PRKCA: variants seen among roughly 807,000 people sequenced by gnomAD.
The protein encoded by PRKCA is protein kinase C alpha type.
Under a neutral mutation model 87.0 loss-of-function variants are expected in PRKCA, and 27 were observed. That is an observed-to-expected ratio of 0.31 (90% CI 0.23 to 0.43). The LOEUF (loss-of-function observed/expected upper bound fraction) is 0.43, where lower values mean the gene tolerates loss of function less well. PRKCA is among the 20% of genes least tolerant of loss of function. PRKCA has a pLI of 1.00. For synonymous variants in PRKCA, 329 were observed against 311.1 expected, an observed-to-expected ratio of 1.06 and a Z score of -0.61; for missense variants, 518 against 852.3, an observed-to-expected ratio of 0.61 and a Z score of 4.88.
At chr17:66,732,864 C>A (rs761900826) in intron 9 of PRKCA, 39 bp downstream of exon 9, 3 of 1,593,034 alleles carry the variant, frequency 1.9e-6, no homozygotes, top group Non-Finnish European at 2.6e-6. Flanking sequence ...GGGGCTTCTG[C>A]AGAGAATGTC....
At chr17:66,641,531 C>A in intron 4 of PRKCA, 65 bp downstream of exon 4, 1 of 1,206,576 alleles carries the variant, frequency 8.3e-7, no homozygotes, top group Non-Finnish European at 1.2e-6. Context: ...GTTTGCTGAG[C>A]AAGGAAGGCT....
intron 2 of PRKCA, among the ~76,000 whole-genome samples, chr17:66,481,739 C>T (rs1189354237): frequency 6.6e-6 from 1 of 152,168 alleles, no homozygotes; most frequent in African/African-American, 2.4e-5. Context: ...GACTTTCTGG[C>T]CTTCAACTAG....
At chr17:66,775,363 G>T in intron 14 of PRKCA, 1 of 985,116 alleles carries the variant, frequency 1.0e-6, no homozygotes, top group Non-Finnish European at 1.2e-6. Context: ...TATCTTAGGG[G>T]CCGGCCTAGA....
At chr17:66,528,351 T>C (rs1489837934) in intron 3 of PRKCA, among the ~76,000 whole-genome samples, 1 of 151,750 alleles carries the variant, frequency 6.6e-6, no homozygotes, top group African/African-American at 2.4e-5. Flanking sequence ...CATGTCCTAA[T>C]ATCCAGACCC....
At chr17:66,604,843 T>G (rs1176790033) in intron 3 of PRKCA, among the ~76,000 whole-genome samples, 1 of 152,172 alleles carries the variant, frequency 6.6e-6, no homozygotes, top group Non-Finnish European at 1.5e-5. Flanking sequence ...TTAGTAAACC[T>G]TTAACCACCA....
intron 2 of PRKCA, among the ~76,000 whole-genome samples, chr17:66,404,870 C>G (rs1429487627): frequency 6.6e-6 from 1 of 150,514 alleles, no homozygotes; most frequent in African/African-American, 2.4e-5. Context: ...CTGCCTCAGC[C>G]TCCTGAGTAG....
chr17:66,347,098 G>A (rs1335305588), intron 2 of PRKCA, among the ~76,000 whole-genome samples: 1 of 151,670 alleles, frequency 6.6e-6, no homozygotes, highest in Admixed American at 6.6e-5. Flanking sequence ...TACTGATATT[G>A]GTCATATTAG....
At position 66,335,521 on chromosome 17, in the gene PRKCA, G is replaced by A. The variant is rs137995319; in HGVS notation, c.205+29394G>A. ...ATGATGATTGCAGAATGGTGTGAGC[G>A]TAGCTAATGCTGTAGAACTGAGTAC... On this transcript the variant is annotated intron_variant, in intron 2 of 16. Transcript: ENST00000413366. Among the ~76,000 whole-genome samples the A allele has an allele frequency of 1.4e-4, 21 of 151,310 alleles. No homozygotes were observed. The East Asian group carries it at 3.5e-3, about 25-fold the overall frequency.
intron 2 of PRKCA, among the ~76,000 whole-genome samples, chr17:66,309,606 A>G (rs541961477): frequency 6.6e-6 from 1 of 152,324 alleles, no homozygotes; most frequent in South Asian, 2.1e-4. Context: ...TAGATTTCCA[A>G]GTGGGAAATA....
At chr17:66,342,744 CA>C (rs942806618) in intron 2 of PRKCA, among the ~76,000 whole-genome samples, 1 of 151,898 alleles carries the variant, frequency 6.6e-6, no homozygotes, top group Admixed American at 6.6e-5. Flanking sequence ...AAGCATTGTT[CA>C]AAAAAATTGC....
chr17:66,787,114 GGTGT>G, intron 15 of PRKCA, 140 bp downstream of exon 15: 3 of 801,254 alleles, frequency 3.7e-6, no homozygotes, highest in Non-Finnish European at 6.8e-6. Context: ...GTTGGGGCTT[GGTGT>G]CATGCCCCAA....
intron 8 of PRKCA, among the ~76,000 whole-genome samples, chr17:66,718,492 T>C (rs1440113053): frequency 6.6e-6 from 1 of 152,174 alleles, no homozygotes; most frequent in Non-Finnish European, 1.5e-5. Flanking sequence ...TTTAAAATTA[T>C]TTTTTGTAGA....
At chr17:66,396,347 A>G (rs564118692) in intron 2 of PRKCA, among the ~76,000 whole-genome samples, 2 of 152,136 alleles carry the variant, frequency 1.3e-5, no homozygotes, top group South Asian at 4.2e-4. Flanking sequence ...ACTAGGCAAA[A>G]TTTTTCTAAA....
chr17:66,436,283 A>G (rs2143850924), intron 2 of PRKCA, among the ~76,000 whole-genome samples: 1 of 152,284 alleles, frequency 6.6e-6, no homozygotes, highest in Admixed American at 6.5e-5. Context: ...GAGAGGCAGT[A>G]TGTCCCTGAA....
At chr17:66,524,102 T>C (rs974060849) in intron 3 of PRKCA, among the ~76,000 whole-genome samples, 8 of 152,038 alleles carry the variant, frequency 5.3e-5, no homozygotes, top group African/African-American at 1.9e-4. Context: ...ATATACAGGG[T>C]GTGTGTGAGT....
At chr17:66,362,567 G>C (rs996911222) in intron 2 of PRKCA, among the ~76,000 whole-genome samples, 1 of 152,098 alleles carries the variant, frequency 6.6e-6, no homozygotes, top group African/African-American at 2.4e-5. Context: ...TCACTTTTGT[G>C]TCTCATGGGC....
intron 3 of PRKCA, among the ~76,000 whole-genome samples, chr17:66,548,240 T>C (rs939760504): frequency 6.6e-6 from 1 of 152,164 alleles, no homozygotes. Context: ...AAAAATTTAC[T>C]GAGATGATGG....
At chr17:66,775,220 G>A (rs746966203) in intron 14 of PRKCA, 57 of 970,046 alleles carry the variant, frequency 5.9e-5, no homozygotes, top group Non-Finnish European at 7.0e-5. Flanking sequence ...CCATGTGGGG[G>A]TGGGGCACTG....
chr17:66,320,330 T>TCTCAAATGC (rs2143207601), intron 2 of PRKCA, among the ~76,000 whole-genome samples: 1 of 151,834 alleles, frequency 6.6e-6, no homozygotes, highest in Non-Finnish European at 1.5e-5. Flanking sequence ...TAGTCTTGAC[T>TCTCAAATGC]CTCAAATGCC....
Sources: gnomAD v4.1 joint callset for allele counts (sites outside exome capture counted in the v4.1 genomes callset) on GRCh38, gnomAD v4.1.1 for gene constraint, MANE v1.5 for transcripts, NCBI Gene and HGNC (gene_info 2026-07-23, HGNC 2026-07-21) for gene names.